SLC25A48: variants seen among roughly 807,000 people sequenced by gnomAD.
The protein encoded by SLC25A48 is solute carrier family 25 member 48.
SLC25A48 carries 29 observed loss-of-function variants against 32.2 expected under a neutral mutation model. That is an observed-to-expected ratio of 0.90 (90% confidence interval 0.67 to 1.23). The LOEUF (loss-of-function observed/expected upper bound fraction) is 1.23. Ranked by LOEUF, SLC25A48 falls within the 50% of genes most tolerant of loss-of-function variation. SLC25A48 has a pLI of 0.00. For missense variants in SLC25A48, 399 were observed against 422.7 expected, an observed-to-expected ratio of 0.94 and a Z score of 0.49; for synonymous variants, 164 against 172.3, an observed-to-expected ratio of 0.95 and a Z score of 0.38.
intron 3 of SLC25A48, among the ~76,000 whole-genome samples, chr5:135,798,654 C>T (rs530816046): frequency 1.3e-5 from 2 of 151,700 alleles, no homozygotes; most frequent in South Asian, 4.2e-4. Context: ...TTCCTAATAT[C>T]AGAAGGTGAG....
chr5:135,651,177 G>A (rs1753101585), intron 3 of SLC25A48, among the ~76,000 whole-genome samples: 1 of 152,160 alleles, frequency 6.6e-6, no homozygotes, highest in African/African-American at 2.4e-5. Context: ...TCCAGGCTTA[G>A]GTCCTGAGAG....
intron 3 of SLC25A48, among the ~76,000 whole-genome samples, chr5:135,703,100 G>A (rs1440381116): frequency 6.6e-6 from 1 of 152,198 alleles, no homozygotes; most frequent in Non-Finnish European, 1.5e-5. Flanking sequence ...GAACAAGATG[G>A]TAATATGTAA....
At chr5:135,786,035 C>A (rs1453795383) in intron 3 of SLC25A48, among the ~76,000 whole-genome samples, 1 of 151,350 alleles carries the variant, frequency 6.6e-6, no homozygotes, top group Non-Finnish European at 1.5e-5. Flanking sequence ...GGTATTTCTC[C>A]CCGTGGGGCT....
At chr5:135,753,542 C>G (rs1026214990) in intron 3 of SLC25A48, among the ~76,000 whole-genome samples, 7 of 151,870 alleles carry the variant, frequency 4.6e-5, no homozygotes, top group Non-Finnish European at 1.0e-4. Flanking sequence ...GTGGGGTGTA[C>G]TGACAAGGTG....
chr5:135,679,726 G>T (rs571547441), intron 3 of SLC25A48, among the ~76,000 whole-genome samples: 5 of 152,184 alleles, frequency 3.3e-5, no homozygotes, highest in Non-Finnish European at 5.9e-5. Flanking sequence ...TGTGGGCTCG[G>T]AAGGTCAATG....
At chr5:135,772,099 A>G (rs1278017661) in intron 3 of SLC25A48, among the ~76,000 whole-genome samples, 1 of 151,362 alleles carries the variant, frequency 6.6e-6, no homozygotes, top group Non-Finnish European at 1.5e-5. Flanking sequence ...GATATTATTC[A>G]TAATATCCAG....
In SLC25A48 at chr5:135,633,495, G is replaced by A. The variant is rs71587582; in HGVS notation, c.-708-1274G>A. Among the ~76,000 whole-genome samples the A allele has an allele frequency of 4.4e-3, 665 of 151,934 alleles. 3 individuals carry two copies. The highest frequency in any genetic ancestry group is 6.3e-3 in the Non-Finnish European group (428 of 67,970). On this transcript the variant is annotated intron_variant, in intron 2 of 10. Coordinates refer to the SLC25A48 transcript ENST00000646290. ...ACATGCCAGGAAAGGCCATGTGAGC[G>A]CACAGCAAGAAGGCAGCCACCTGCA...
rs190087978 is a variant in SLC25A48, at chr5:135,758,562, T to C, written c.-520-53961T>C. On this transcript the variant is annotated intron_variant, in intron 3 of 10. Transcript: ENST00000646290. ...ATACCTCTAGTGTTAACACACTATATTAATAGAATATCATGTATTTGAATA... is the reference window on the plus strand; with the variant it reads ...ATACCTCTAGTGTTAACACACTATACTAATAGAATATCATGTATTTGAATA... Among the ~76,000 whole-genome samples the C allele has an allele frequency of 2.7e-5, 4 of 150,932 alleles. No individual in the cohort carries two copies. In the East Asian group the frequency reaches 8.1e-4, roughly 31 times the overall value.
intron 3 of SLC25A48, among the ~76,000 whole-genome samples, chr5:135,705,218 TCA>T (rs58630384): frequency 0.16 from 24,906 of 152,148 alleles, 2,120 homozygotes; most frequent in Middle Eastern, 0.24. Flanking sequence ...TGAGATTGAC[TCA>T]CAGAGAGCAG....
rs114422075 is a variant in SLC25A48, at chr5:135,589,457, G to C, written c.-849+9860G>C. The stretch of plus-strand genomic sequence containing the variant: ...GGGCTCAGTCCTGTAGGGGCTCCAG[G>C]TTAATTTTCCAAGTCAATATGCTGA... On this transcript the variant is annotated intron_variant, in intron 1 of 10. Coordinates refer to the SLC25A48 transcript ENST00000646290. Among the ~76,000 whole-genome samples, 874 of 152,260 alleles carry C rather than the reference G, an allele frequency of 5.7e-3. 8 individuals carry two copies. Among genetic ancestry groups the C allele is most frequent in the African/African-American group, 0.02 (829 of 41,554 alleles).
chr5:135,636,227 G>T (rs893790275), intron 3 of SLC25A48, among the ~76,000 whole-genome samples: 1 of 152,102 alleles, frequency 6.6e-6, no homozygotes, highest in Non-Finnish European at 1.5e-5. Flanking sequence ...CATCTACTTT[G>T]TGCAGGCCGT....
At chr5:135,823,913 A>G in intron 4 of SLC25A48, among the ~76,000 whole-genome samples, 1 of 152,212 alleles carries the variant, frequency 6.6e-6, no homozygotes, top group Non-Finnish European at 1.5e-5. Flanking sequence ...GTGTGGCTGG[A>G]CTGGACAGAG....
At chr5:135,763,045 CTG>C (rs1413117484) in intron 3 of SLC25A48, among the ~76,000 whole-genome samples, 1 of 151,790 alleles carries the variant, frequency 6.6e-6, no homozygotes, top group African/African-American at 2.4e-5. Context: ...GGGCGTGAGG[CTG>C]TGTGTCAGTG....
chr5:135,692,495 A>G (rs1169488939), intron 3 of SLC25A48, among the ~76,000 whole-genome samples: 1 of 152,176 alleles, frequency 6.6e-6, no homozygotes, highest in African/African-American at 2.4e-5. Flanking sequence ...TGCATCATGC[A>G]GGTGGAAAAA....
At chr5:135,664,944 G>A (rs748629791) in intron 3 of SLC25A48, among the ~76,000 whole-genome samples, 1 of 152,218 alleles carries the variant, frequency 6.6e-6, no homozygotes, top group South Asian at 2.1e-4. Context: ...ATACCCAGCA[G>A]TGGGATTGCT....
chr5:135,608,817 C>T (rs1580720207), intron 1 of SLC25A48, among the ~76,000 whole-genome samples: 2 of 152,130 alleles, frequency 1.3e-5, no homozygotes, highest in South Asian at 4.1e-4. Context: ...GCCTGAGGCC[C>T]CTGACATCTG....
chr5:135,756,998 ATAT>A (rs1370381576), intron 3 of SLC25A48, among the ~76,000 whole-genome samples: 1 of 150,524 alleles, frequency 6.6e-6, no homozygotes, highest in Non-Finnish European at 1.5e-5. Context: ...CATCTATATA[ATAT>A]TTACAATATC....
At chr5:135,697,253 G>A (rs973259004) in intron 3 of SLC25A48, among the ~76,000 whole-genome samples, 3 of 152,024 alleles carry the variant, frequency 2.0e-5, no homozygotes, top group Non-Finnish European at 2.9e-5. Flanking sequence ...TGAGTGTCAC[G>A]GGTCACCTTA....
chr5:135,623,851 A>C (rs1752381776), intron 1 of SLC25A48, among the ~76,000 whole-genome samples: 1 of 152,150 alleles, frequency 6.6e-6, no homozygotes, highest in Admixed American at 6.5e-5. Flanking sequence ...AAGACTTCTG[A>C]GAACACAGGT....
Sources: allele counts gnomAD v4.1 joint callset (sites outside exome capture counted in the v4.1 genomes callset), GRCh38; gene constraint gnomAD v4.1.1; transcripts MANE v1.5; gene names NCBI Gene and HGNC (gene_info 2026-07-23, HGNC 2026-07-21).